Variants in MESD observed in about 807,000 individuals in gnomAD.
The protein encoded by MESD is LRP chaperone MESD.
A neutral mutation model predicts 12.9 loss-of-function variants in MESD; 7 were observed. The observed-to-expected ratio is 0.54, with a 90% CI of 0.31 to 1.02. The LOEUF (loss-of-function observed/expected upper bound fraction) is 1.02. Among genes scored for constraint, MESD ranks in the 50% least tolerant of loss-of-function variants. The pLI, the probability that MESD is intolerant of heterozygous loss-of-function variation, is 0.05. For missense variants in MESD, 342 were observed against 296.7 expected (o/e 1.15, Z -1.12); for synonymous variants, 126 against 115.6 (o/e 1.09, Z -0.58).
chr15:80,952,375 G>T (rs1350460056), intron 3 of MESD: 1 of 309,208 alleles, frequency 3.2e-6, no homozygotes, highest in African/African-American at 2.2e-5. Context: ...CAGGAGGGCA[G>T]CCACTAGCTT....
At chr15:80,979,592 A>G in intron 2 of MESD, 115 bp from the exon 3 acceptor site, 4 of 1,309,708 alleles carry the variant, frequency 3.1e-6, no homozygotes, top group Non-Finnish European at 4.1e-6. Context: ...ATATGGAATG[A>G]AAAATTGGAT....
chr15:80,947,532 ATGGC>A (rs1405222306), exon 5 of MESD: 6 of 169,674 alleles, frequency 3.5e-5, no homozygotes, highest in Non-Finnish European at 6.4e-5. Context: ...GAGAACCTAC[ATGGC>A]TTGTCCAAGG....
intron 3 of MESD, among the ~76,000 whole-genome samples, chr15:80,959,126 A>C (rs1009216447): frequency 6.6e-6 from 1 of 152,208 alleles, no homozygotes; most frequent in African/African-American, 2.4e-5. Context: ...TCTCAGCTGG[A>C]CACTTGCTGA....
chr15:80,954,369 C>G (rs1901920378), intron 3 of MESD, among the ~76,000 whole-genome samples: 1 of 152,214 alleles, frequency 6.6e-6, no homozygotes, highest in South Asian at 2.1e-4. Context: ...GACCCTAGCG[C>G]AACCCTCCTG....
chr15:80,987,788 C>T (rs1038205830), intron 1 of MESD, among the ~76,000 whole-genome samples: 3 of 152,026 alleles, frequency 2.0e-5, no homozygotes, highest in Non-Finnish European at 4.4e-5. Flanking sequence ...TGCGCCCAGC[C>T]AACCTGTCTT....
chr15:80,967,215 C>T (rs1301008647), intron 3 of MESD, among the ~76,000 whole-genome samples: 3 of 151,900 alleles, frequency 2.0e-5, no homozygotes, highest in African/African-American at 7.3e-5. Context: ...TCACTTGAAC[C>T]CGGGAGGTGG....
At chr15:80,951,231 A>C (rs911359478) in intron 4 of MESD, 4 of 152,616 alleles carry the variant, frequency 2.6e-5, no homozygotes, top group African/African-American at 7.2e-5. Context: ...GGAATGTTGA[A>C]TGTCTTTGGC....
At chr15:80,983,403 A>G (rs1361264552) in intron 1 of MESD, among the ~76,000 whole-genome samples, 4 of 152,296 alleles carry the variant, frequency 2.6e-5, no homozygotes, top group Non-Finnish European at 4.4e-5. Context: ...AGCAATTCTG[A>G]GACTATCTTA....
In MESD at chr15:80,981,154, T is replaced by C. The variant is rs145656915; in HGVS notation, c.446+796A>G. Among the ~76,000 whole-genome samples the C allele has an allele frequency of 8.0e-3, 1,212 of 151,404 alleles. 21 individuals carry two copies. The highest frequency in any genetic ancestry group is 0.028 in the African/African-American group (1,138 of 41,366). On this transcript the variant is annotated intron_variant, in intron 2 of 2. Coordinates refer to ENST00000261758, the MANE Select transcript of MESD (RefSeq NM_015154.3). The stretch of plus-strand genomic sequence containing the variant: ...CTTCTTTACATTAAAAAAATCTAGA[T>C]AGGCTGAGTGCAGTGGCTCACACCT...
downstream of MESD, among the ~76,000 whole-genome samples, chr15:80,972,734 C>G (rs1902315636): frequency 6.6e-6 from 1 of 152,218 alleles, no homozygotes; most frequent in Admixed American, 6.5e-5. Flanking sequence ...ATAAAAACTT[C>G]ATTACAGGTT....
chr15:80,950,578 C>G (rs1328451147), intron 4 of MESD: 1 of 152,288 alleles, frequency 6.6e-6, no homozygotes, highest in East Asian at 1.9e-4. Context: ...CTACCTGGCT[C>G]TCCTGTCTCT....
chr15:80,954,246 C>A (rs1901916665), intron 3 of MESD, among the ~76,000 whole-genome samples: 1 of 152,206 alleles, frequency 6.6e-6, no homozygotes, highest in Non-Finnish European at 1.5e-5. Context: ...TAACATTCAC[C>A]CCTTCCTCCA....
At chr15:80,985,354 T>G (rs1289872148) in intron 1 of MESD, among the ~76,000 whole-genome samples, 1 of 152,146 alleles carries the variant, frequency 6.6e-6, no homozygotes, top group Admixed American at 6.5e-5. Context: ...CAAGCAGAAC[T>G]CAGTACTGTA....
At chr15:80,947,088 A>T, downstream of MESD, 1 of 1,496,358 alleles carries the variant, frequency 6.7e-7, no homozygotes. Flanking sequence ...ACTGGGGTTT[A>T]AACTGACCCC....
chr15:80,953,424 G>GT (rs1157539130), intron 3 of MESD, among the ~76,000 whole-genome samples: 1 of 152,086 alleles, frequency 6.6e-6, no homozygotes, highest in Non-Finnish European at 1.5e-5. Context: ...TTGGGGTGGA[G>GT]GGACAGGCAG....
Position 80,976,131 on chromosome 15 carries a change from T to A in MESD, c.*3088A>T, listed in dbSNP as rs918388504. ...CTCCTGCCTCAGCCACCTGAGTAGC[T>A]GGGATTACAGGCCCGCACCACCACA... On this transcript the variant is annotated 3_prime_UTR_variant, in exon 3 of 3. Coordinates refer to ENST00000261758, the MANE Select transcript of MESD (RefSeq NM_015154.3). The A allele has an allele frequency of 6.6e-6, 1 of 152,440 alleles. No homozygotes were observed. The highest frequency in any genetic ancestry group is 1.5e-5 in the Non-Finnish European group (1 of 68,220). 9.4% of individuals were successfully genotyped at this position (152,440 alleles called of 1,614,324 possible).
chr15:80,949,703 C>T (rs551773625), intron 4 of MESD: 1 of 153,686 alleles, frequency 6.5e-6, no homozygotes, highest in Admixed American at 6.4e-5. Context: ...GGTCTGCAGT[C>T]CAGTAGGGCA....
chr15:80,980,108 G>C (rs934562591), intron 2 of MESD, among the ~76,000 whole-genome samples: 3 of 152,308 alleles, frequency 2.0e-5, no homozygotes, highest in Middle Eastern at 6.8e-3. Flanking sequence ...CTGTTCCTTA[G>C]GGACTACACC....
At chr15:80,984,264 T>C (rs1454595595) in intron 1 of MESD, among the ~76,000 whole-genome samples, 2 of 152,096 alleles carry the variant, frequency 1.3e-5, no homozygotes, top group African/African-American at 4.8e-5. Context: ...AAAAGGCTAA[T>C]GCCAGCAACC....
Sources: gnomAD v4.1 joint callset for allele counts (sites outside exome capture counted in the v4.1 genomes callset) on GRCh38, gnomAD v4.1.1 for gene constraint, MANE v1.5 for transcripts, NCBI Gene and HGNC (gene_info 2026-07-23, HGNC 2026-07-21) for gene names.